Variants in TRPM3 observed in about 807,000 individuals in gnomAD.
TRPM3 encodes long transient receptor potential channel 3.
TRPM3 carries 77 observed loss-of-function variants against 181.2 expected under a neutral mutation model. The observed-to-expected ratio is 0.42, with a 90% CI of 0.35 to 0.51. The LOEUF (loss-of-function observed/expected upper bound fraction) is 0.51, where lower values mean the gene tolerates loss of function less well. TRPM3 is among the 20% of genes least tolerant of loss of function. TRPM3 has a pLI of 0.01. For synonymous variants in TRPM3, 745 were observed against 796.4 expected (o/e 0.94, Z 1.09); for missense variants, 1,759 against 2,196.7 (o/e 0.80, Z 3.98).
intron 1 of TRPM3, among the ~76,000 whole-genome samples, chr9:70,909,753 A>C (rs2096518661): frequency 6.6e-6 from 1 of 152,242 alleles, no homozygotes; most frequent in Non-Finnish European, 1.5e-5. Context: ...TTAATTTGTC[A>C]TCAAGAAAAT....
intron 17 of TRPM3, among the ~76,000 whole-genome samples, chr9:70,617,956 C>A (rs1017420728): frequency 6.6e-6 from 1 of 152,124 alleles, no homozygotes. Flanking sequence ...CAGAGCAAGA[C>A]CTTGTCTCAA....
At chr9:71,356,014 T>C (rs1224421467) in intron 1 of TRPM3, among the ~76,000 whole-genome samples, 1 of 152,144 alleles carries the variant, frequency 6.6e-6, no homozygotes, top group Non-Finnish European at 1.5e-5. Flanking sequence ...GAGTGGTTGA[T>C]TGGGCTTCAA....
In TRPM3 at chr9:70,995,426, T is replaced by TA. The variant is rs1187525946; in HGVS notation, c.177+125751dup. Reference sequence around the variant, plus strand: ...AGTGTGCATGTTAGGTGATTACTTTTAAAAAAATTCTCACCATTTTGATTT... The same window carrying TA: ...AGTGTGCATGTTAGGTGATTACTTTTAAAAAAAATTCTCACCATTTTGATTT... On this transcript the variant is annotated intron_variant, in intron 1 of 25. Transcript: ENST00000677713. 2.0e-5 allele frequency among the ~76,000 whole-genome samples: 3 copies of TA among 152,292 alleles called. No individual in the cohort carries two copies. The South Asian group carries it at 6.2e-4, about 32-fold the overall frequency.
chr9:71,322,392 T>C (rs1231186326), intron 1 of TRPM3, among the ~76,000 whole-genome samples: 1 of 152,134 alleles, frequency 6.6e-6, no homozygotes, highest in East Asian at 1.9e-4. Context: ...TCTCATAAGA[T>C]TGCAAGAAAT....
intron 25 of TRPM3, among the ~76,000 whole-genome samples, chr9:70,542,029 G>A (rs1343011834): frequency 6.6e-6 from 1 of 152,160 alleles, no homozygotes; most frequent in Non-Finnish European, 1.5e-5. Flanking sequence ...GCTGAGGTAG[G>A]AGGATCACTT....
intron 1 of TRPM3, among the ~76,000 whole-genome samples, chr9:71,379,808 A>G (rs1432561137): frequency 6.6e-6 from 1 of 152,000 alleles, no homozygotes; most frequent in Non-Finnish European, 1.5e-5. Context: ...TTTATAGTCT[A>G]GCAGAGAAGA....
chr9:70,661,298 A>G (rs2061102128), intron 9 of TRPM3, among the ~76,000 whole-genome samples: 1 of 152,148 alleles, frequency 6.6e-6, no homozygotes. Flanking sequence ...TTAAAGTAAT[A>G]AAAGCCATAT....
chr9:71,318,636 A>G (rs953905251), intron 1 of TRPM3, among the ~76,000 whole-genome samples: 2 of 152,172 alleles, frequency 1.3e-5, no homozygotes, highest in Non-Finnish European at 2.9e-5. Context: ...AGTAACTCTT[A>G]TAAGGCATTG....
At chr9:71,364,012 T>C (rs961615195) in intron 1 of TRPM3, among the ~76,000 whole-genome samples, 5 of 152,196 alleles carry the variant, frequency 3.3e-5, no homozygotes, top group African/African-American at 1.2e-4. Flanking sequence ...TTCATTTAGC[T>C]TTTGAAAGCT....
At chr9:71,317,365 G>A (rs1410871487) in intron 1 of TRPM3, among the ~76,000 whole-genome samples, 6 of 152,194 alleles carry the variant, frequency 3.9e-5, no homozygotes, top group Non-Finnish European at 8.8e-5. Flanking sequence ...CTGGAACAGT[G>A]GCTCATTCCT....
At chr9:71,252,837 A>C (rs1353817849) in intron 1 of TRPM3, among the ~76,000 whole-genome samples, 1 of 123,084 alleles carries the variant, frequency 8.1e-6, no homozygotes, top group African/African-American at 3.4e-5. Context: ...TCGCCTGGCT[A>C]ATTTTGTCTC....
At chr9:71,400,527 G>C (rs2093317802) in intron 1 of TRPM3, among the ~76,000 whole-genome samples, 1 of 151,880 alleles carries the variant, frequency 6.6e-6, no homozygotes, top group South Asian at 2.1e-4. Flanking sequence ...GAGAAATCTT[G>C]GTTAATATAC....
intron 1 of TRPM3, among the ~76,000 whole-genome samples, chr9:70,981,768 T>TC (rs1324407935): frequency 1.3e-5 from 2 of 152,114 alleles, no homozygotes; most frequent in African/African-American, 4.8e-5. Flanking sequence ...TAACATCTTT[T>TC]CCCCCATTTC....
intron 1 of TRPM3, among the ~76,000 whole-genome samples, chr9:71,366,205 T>C (rs1196426230): frequency 6.6e-6 from 1 of 152,202 alleles, no homozygotes; most frequent in Non-Finnish European, 1.5e-5. Flanking sequence ...AAGGCCCAGG[T>C]TGTTAAAATA....
intron 1 of TRPM3, among the ~76,000 whole-genome samples, chr9:70,934,694 C>A (rs867599321): frequency 2.8e-4 from 42 of 152,190 alleles, no homozygotes; most frequent in African/African-American, 9.9e-4. Context: ...GGCAAAAAAA[C>A]ATGTATAACT....
At chr9:70,659,355 T>C (rs1564740857) in intron 9 of TRPM3, among the ~76,000 whole-genome samples, 2 of 152,106 alleles carry the variant, frequency 1.3e-5, no homozygotes, top group East Asian at 3.9e-4. Flanking sequence ...CCCCAAGTTT[T>C]ATGTTGGGAC....
Position 71,322,704 on chromosome 9 carries a change from A to G in TRPM3, c.183+123949T>C, listed in dbSNP as rs138688406. 5.2e-3 allele frequency among the ~76,000 whole-genome samples: 797 copies of G among 152,286 alleles called. 7 individuals are homozygous for G. The highest frequency in any genetic ancestry group is 0.018 in the African/African-American group (761 of 41,560). On this transcript the variant is annotated intron_variant, in intron 1 of 24. Coordinates refer to the TRPM3 transcript ENST00000357533. ...GACATTTTGTCCAGAATTTCATGAA[A>G]AAAGCATCATATAAACTAGTTGATA...
intron 1 of TRPM3, among the ~76,000 whole-genome samples, chr9:71,409,193 G>C (rs2093494833): frequency 6.6e-6 from 1 of 152,148 alleles, no homozygotes; most frequent in Non-Finnish European, 1.5e-5. Context: ...GGAAGACACT[G>C]CATCAACTAC....
chr9:71,121,789 T>C (rs2073683462), upstream of TRPM3, among the ~76,000 whole-genome samples: 1 of 151,184 alleles, frequency 6.6e-6, no homozygotes, highest in East Asian at 2.0e-4. Context: ...CAAAGCATCT[T>C]TGAGGGACTG....
Sources: allele counts gnomAD v4.1 joint callset (sites outside exome capture counted in the v4.1 genomes callset), GRCh38; gene constraint gnomAD v4.1.1; transcripts MANE v1.5; gene names NCBI Gene and HGNC (gene_info 2026-07-23, HGNC 2026-07-21).